Variants in RAPGEF4 observed in about 807,000 individuals in gnomAD.
RAPGEF4 encodes the protein Rap guanine nucleotide exchange factor 4.
A neutral mutation model predicts 147.9 loss-of-function variants in RAPGEF4; 66 were observed. That is an observed-to-expected ratio of 0.45 (90% CI 0.37 to 0.55). The LOEUF (loss-of-function observed/expected upper bound fraction) is 0.55. Ranked by LOEUF, RAPGEF4 falls within the 20% of genes least tolerant of loss-of-function variation. The pLI is 0.00. For synonymous variants in RAPGEF4, 419 were observed against 442.7 expected (o/e 0.95, Z 0.67); for missense variants, 1,071 against 1,257.3 (o/e 0.85, Z 2.24).
At chr2:172,898,820 C>G (rs1031760355) in intron 4 of RAPGEF4, among the ~76,000 whole-genome samples, 1 of 152,090 alleles carries the variant, frequency 6.6e-6, no homozygotes, top group Non-Finnish European at 1.5e-5. Flanking sequence ...TCCTTTTTGT[C>G]CAGATTAGCT....
At chr2:172,894,879 G>T (rs1026405903) in intron 4 of RAPGEF4, among the ~76,000 whole-genome samples, 12 of 152,016 alleles carry the variant, frequency 7.9e-5, no homozygotes, top group Non-Finnish European at 1.5e-5. Flanking sequence ...TTTAACTTGG[G>T]CAGTGAACAT....
chr2:172,913,392 A>G (rs1243051129), intron 4 of RAPGEF4, among the ~76,000 whole-genome samples: 1 of 152,192 alleles, frequency 6.6e-6, no homozygotes, highest in Admixed American at 6.5e-5. Context: ...CATTATGCTC[A>G]CAGATTTCTG....
chr2:172,759,295 G>T (rs927578331), intron 1 of RAPGEF4, among the ~76,000 whole-genome samples: 2 of 152,196 alleles, frequency 1.3e-5, no homozygotes, highest in South Asian at 4.1e-4. Flanking sequence ...TGCATACAAA[G>T]TGCAGGGCAA....
intron 1 of RAPGEF4, among the ~76,000 whole-genome samples, chr2:172,776,298 C>G (rs546412347): frequency 2.0e-5 from 3 of 152,226 alleles, no homozygotes; most frequent in African/African-American, 7.2e-5. Flanking sequence ...AGTATCACTT[C>G]CATCACTTTC....
At chr2:172,837,719 C>T (rs560641629) in intron 4 of RAPGEF4, among the ~76,000 whole-genome samples, 23 of 152,202 alleles carry the variant, frequency 1.5e-4, no homozygotes, top group African/African-American at 5.1e-4. Context: ...AGGTGTGCAC[C>T]GCCTTGCCTG....
At chr2:172,976,707 G>A (rs1026290) in intron 10 of RAPGEF4, among the ~76,000 whole-genome samples, 62,611 of 152,026 alleles carry the variant, frequency 0.41, 13,445 homozygotes, top group South Asian at 0.59. Context: ...ATTTTACTAT[G>A]GGCCATGCCA....
At chr2:172,750,090 T>C (rs1331900212) in intron 1 of RAPGEF4, among the ~76,000 whole-genome samples, 1 of 152,132 alleles carries the variant, frequency 6.6e-6, no homozygotes, top group Non-Finnish European at 1.5e-5. Context: ...AGTTCCAAAC[T>C]TTCCCACATT....
chr2:172,953,273 T>A (rs565211707), intron 6 of RAPGEF4, among the ~76,000 whole-genome samples: 141 of 147,752 alleles, frequency 9.5e-4, no homozygotes, highest in African/African-American at 3.4e-3. Flanking sequence ...TTATTTTATA[T>A]GTAATAGTTC....
At chr2:172,749,548 G>A (rs1192553289) in intron 1 of RAPGEF4, among the ~76,000 whole-genome samples, 1 of 152,222 alleles carries the variant, frequency 6.6e-6, no homozygotes, top group Non-Finnish European at 1.5e-5. Context: ...GGGGCCCTGG[G>A]CCCAGCCCAC....
intron 4 of RAPGEF4, chr2:172,860,230 A>G (rs1378794410): frequency 2.7e-5 from 27 of 985,254 alleles, no homozygotes; most frequent in African/African-American, 3.5e-5. Flanking sequence ...AGAGGAGAAC[A>G]TGGATTTAAA....
intron 1 of RAPGEF4, among the ~76,000 whole-genome samples, chr2:172,742,775 AGC>A (rs1479127912): frequency 2.6e-5 from 4 of 152,192 alleles, no homozygotes; most frequent in African/African-American, 9.7e-5. Flanking sequence ...AGGAAAGTTT[AGC>A]CAGACCTGGA....
At chr2:173,013,827 C>T (rs1379427006) in intron 17 of RAPGEF4, among the ~76,000 whole-genome samples, 1 of 152,192 alleles carries the variant, frequency 6.6e-6, no homozygotes, top group Admixed American at 6.5e-5. Flanking sequence ...TAAGGTAAGT[C>T]ATGGTTCTAC....
chr2:172,924,126 CAGAA>C (rs1685033836), intron 6 of RAPGEF4, among the ~76,000 whole-genome samples: 1 of 152,188 alleles, frequency 6.6e-6, no homozygotes, highest in Admixed American at 6.5e-5. Context: ...ATAAAGAAGA[CAGAA>C]AGGCCTTGTC....
At chr2:172,907,985 A>G (rs1024643244) in intron 4 of RAPGEF4, among the ~76,000 whole-genome samples, 1 of 152,210 alleles carries the variant, frequency 6.6e-6, no homozygotes, top group Non-Finnish European at 1.5e-5. Flanking sequence ...ACCCACGTTC[A>G]CACAAGTAGC....
intron 3 of RAPGEF4, among the ~76,000 whole-genome samples, chr2:172,799,812 G>T (rs1686788774): frequency 6.6e-6 from 1 of 152,204 alleles, no homozygotes; most frequent in Non-Finnish European, 1.5e-5. Flanking sequence ...AGGAAGAGCA[G>T]ATGTGCCTAA....
At chr2:172,909,082 A>G (rs1279882995) in intron 4 of RAPGEF4, among the ~76,000 whole-genome samples, 1 of 152,168 alleles carries the variant, frequency 6.6e-6, no homozygotes, top group Non-Finnish European at 1.5e-5. Flanking sequence ...GGGTGGCCTC[A>G]GTGTCAGGAG....
chr2:173,036,676 T>A lies in RAPGEF4; in HGVS notation c.2837T>A (p.Val946Glu), dbSNP rs1225000346. The change falls in exon 29 of 31, where the codon GTA (valine) becomes GAA (glutamate). Residue 946 changes from valine to glutamate, a missense_variant. Transcript: ENST00000397081. ...EGNKTFIDNLVNFEKMRMIAN... is the reference protein window; with the variant it reads ...EGNKTFIDNLENFEKMRMIAN... ...AACAAGACGTTCATTGACAATCTAG[T>A]AAACTTTGAAAAAATGGTATGTGCA... 1 of 1,609,502 alleles carries A rather than the reference T, an allele frequency of 6.2e-7. No individual in the cohort carries two copies. Among genetic ancestry groups the A allele is most frequent in the Non-Finnish European group, 8.5e-7 (1 of 1,176,950 alleles).
At chr2:172,981,488 C>G (rs2105648594) in intron 10 of RAPGEF4, among the ~76,000 whole-genome samples, 1 of 152,302 alleles carries the variant, frequency 6.6e-6, no homozygotes, top group East Asian at 1.9e-4. Flanking sequence ...TTTATGGGTC[C>G]CATACTTTCT....
At chr2:172,956,631 G>A (rs918617312) in intron 6 of RAPGEF4, among the ~76,000 whole-genome samples, 12 of 151,916 alleles carry the variant, frequency 7.9e-5, no homozygotes, top group Non-Finnish European at 1.6e-4. Context: ...CACCACGCCC[G>A]GCTAATTTTT....
Sources: gnomAD v4.1 joint callset for allele counts (sites outside exome capture counted in the v4.1 genomes callset) on GRCh38, gnomAD v4.1.1 for gene constraint, MANE v1.5 for transcripts, NCBI Gene and HGNC (gene_info 2026-07-23, HGNC 2026-07-21) for gene names.